Variants in ATG12 observed in about 807,000 individuals in gnomAD.
The protein encoded by ATG12 is ubiquitin-like protein ATG12.
ATG12 carries 19 observed loss-of-function variants against 17.6 expected under a neutral mutation model. That is an observed-to-expected ratio of 1.08 (90% CI 0.75 to 1.58). ATG12 has a LOEUF of 1.58. ATG12 is among the 40% of genes most tolerant of loss of function. The pLI is 0.00. For synonymous variants in ATG12, 75 were observed against 62.4 expected (o/e 1.20, Z -0.95); for missense variants, 214 against 162.0 (o/e 1.32, Z -1.74).
chr5:115,834,784 T>C (rs951660188), intron 2 of ATG12: 4 of 152,216 alleles, frequency 2.6e-5, no homozygotes, highest in African/African-American at 9.6e-5. Context: ...CATGCCCTCT[T>C]TCCCGTCCCC....
chr5:115,837,808 T>C lies in ATG12; in HGVS notation c.164-44A>G, dbSNP rs1761168168. 6.0e-6 allele frequency: 9 copies of C among 1,512,188 alleles called. No individual in the cohort carries two copies. In the Admixed American group the frequency reaches 1.8e-4, roughly 30 times the overall value. 93.7% of individuals were successfully genotyped at this position (1,512,188 alleles called of 1,614,324 possible). ...ATTTACTGACAATTACACTGAAACA[T>C]CTAAAGAGAATGGAATATAAAAGAC... On this transcript the variant is annotated intron_variant, in intron 1 of 3. Transcript: ENST00000509910.
chr5:115,832,762 A>G, intron 2 of ATG12, 98 bp from the exon 3 acceptor site: 1 of 1,186,280 alleles, frequency 8.4e-7, no homozygotes, highest in Non-Finnish European at 1.1e-6. Flanking sequence ...TATTGTTTTC[A>G]CAATTGAAGA....
In ATG12 at chr5:115,837,632, T is replaced by C; in HGVS notation, c.296A>G (p.Gln99Arg). 1 of 1,610,544 alleles carries C rather than the reference T, an allele frequency of 6.2e-7. No individual in the cohort carries two copies. Among genetic ancestry groups the C allele is most frequent in the Non-Finnish European group, 8.5e-7 (1 of 1,179,568 alleles). The change falls in exon 2 of 4, where the codon CAG (glutamine) becomes CGG (arginine). Residue 99 changes from glutamine to arginine, a missense_variant. Transcript: ENST00000509910. Reference sequence around the variant, plus strand: ...ACATCACCATTGGTTTCATACCAACTGTTCTGAGGCCACAAGTTTAAGAAA... The same window carrying C: ...ACATCACCATTGGTTTCATACCAACCGTTCTGAGGCCACAAGTTTAAGAAA... ...KKFLKLVASEQLFIYVNQSFA... is the reference protein window; with the variant it reads ...KKFLKLVASERLFIYVNQSFA...
At chr5:115,833,331 C>A (rs1760963414) in intron 2 of ATG12, 1 of 151,822 alleles carries the variant, frequency 6.6e-6, no homozygotes, top group Admixed American at 6.6e-5. Context: ...TTTAGTTTTC[C>A]TTTAATATCC....
chr5:115,841,190 C>A (rs868522080), intron 1 of ATG12, 200 bp downstream of exon 1: 4 of 665,928 alleles, frequency 6.0e-6, no homozygotes, highest in African/African-American at 3.7e-5. Context: ...AGGCCCTACA[C>A]CGATAGACAG....
rs989370630 is a variant in ATG12 at position 115,831,802 on chromosome 5, G to A, written c.*2C>T. The A allele has an allele frequency of 1.2e-6, 2 of 1,611,372 alleles. No individual in the cohort carries two copies. Among genetic ancestry groups the A allele is most frequent in the Non-Finnish European group, 8.5e-7 (1 of 1,179,082 alleles). ...TAGTAGCAAGTTGATTTTCTTTGTG[G>A]TTCATCCCCACGCCTGAGACTTGCA... On this transcript the variant is annotated 3_prime_UTR_variant, in exon 4 of 4. Coordinates refer to ENST00000509910, the MANE Select transcript of ATG12 (RefSeq NM_004707.4).
intron 3 of ATG12, 24 bp downstream of exon 3, chr5:115,832,578 T>G: frequency 1.6e-6 from 2 of 1,241,924 alleles, no homozygotes; most frequent in Middle Eastern, 3.0e-4. Context: ...TTTCTTTTTT[T>G]TTTTTTTTTT....
chr5:115,841,556 G>C lies in ATG12; in HGVS notation c.-4C>G. 1 of 1,614,088 alleles carries C rather than the reference G, an allele frequency of 6.2e-7. No individual in the cohort carries two copies. The highest frequency in any genetic ancestry group is 8.5e-7 in the Non-Finnish European group (1 of 1,180,018). ...CAGACTGCGGCTCCTCCGCCATCTTGCTTGGAGACACTCGAGAGCGGAAGT... is the reference window on the plus strand; with the variant it reads ...CAGACTGCGGCTCCTCCGCCATCTTCCTTGGAGACACTCGAGAGCGGAAGT... On this transcript the variant is annotated 5_prime_UTR_variant, in exon 1 of 4. Coordinates refer to ENST00000509910, the MANE Select transcript of ATG12 (RefSeq NM_004707.4).
intron 1 of ATG12, among the ~76,000 whole-genome samples, chr5:115,839,671 C>T (rs984557238): frequency 2.0e-5 from 3 of 152,154 alleles, no homozygotes; most frequent in Non-Finnish European, 2.9e-5. Context: ...TAGGGAAACA[C>T]TTACTCCCCA....
At chr5:115,837,792 C>T (rs766095258) in intron 1 of ATG12, 28 bp from the exon 2 acceptor site, 3 of 1,563,950 alleles carry the variant, frequency 1.9e-6, no homozygotes, top group South Asian at 2.4e-5. Flanking sequence ...AATTTACTGA[C>T]AATTACACTG....
chr5:115,838,564 T>A (rs780132770), intron 1 of ATG12: 1 of 152,230 alleles, frequency 6.6e-6, no homozygotes, highest in African/African-American at 2.4e-5. Context: ...AGTAGTGACA[T>A]TGTAGGCAAT....
intron 2 of ATG12, among the ~76,000 whole-genome samples, chr5:115,836,663 T>G (rs750256207): frequency 4.6e-5 from 7 of 152,216 alleles, no homozygotes; most frequent in Non-Finnish European, 7.3e-5. Context: ...CAAAAATTCC[T>G]GATTTTATTT....
rs1350013354 is a variant in ATG12 at position 115,830,721 on chromosome 5, T to TA, written c.*1082dup. On this transcript the variant is annotated 3_prime_UTR_variant, in exon 4 of 4. Transcript: ENST00000509910. The stretch of plus-strand genomic sequence containing the variant: ...TGTAGAGTTGGGGATCTTGCCTTGC[T>TA]AACCAGGCTGGTCTCAAACTTGTGG... The TA allele has an allele frequency of 1.3e-5, 2 of 152,164 alleles. No homozygotes were observed. The highest frequency in any genetic ancestry group is 2.9e-5 in the Non-Finnish European group (2 of 68,026). The allele number at this position is 152,164 out of a possible 1,614,324, so 9.4% of individuals were successfully genotyped here.
At chr5:115,837,553 A>C in intron 2 of ATG12, 75 bp downstream of exon 2, 1 of 1,492,258 alleles carries the variant, frequency 6.7e-7, no homozygotes, top group Non-Finnish European at 9.2e-7. Flanking sequence ...GCATTTCTAT[A>C]AACAACAGTT....
intron 2 of ATG12, among the ~76,000 whole-genome samples, chr5:115,836,444 TTC>T (rs1761103965): frequency 6.6e-6 from 1 of 152,200 alleles, no homozygotes; most frequent in African/African-American, 2.4e-5. Flanking sequence ...CTCTGCTCAT[TTC>T]TCTCAAGTGT....
At position 115,831,598 on chromosome 5, in the gene ATG12, T is replaced by C; in HGVS notation, c.*206A>G. 4 of 613,620 alleles carry C rather than the reference T, an allele frequency of 6.5e-6. No homozygotes were observed. Among genetic ancestry groups the C allele is most frequent in the Non-Finnish European group, 1.2e-5 (4 of 347,804 alleles). The allele number at this position is 613,620 out of a possible 1,614,324, so 38.0% of individuals were successfully genotyped here. A position where few individuals can be genotyped will look rare whatever the true frequency, so the allele number is the denominator to read the frequency against. On this transcript the variant is annotated 3_prime_UTR_variant, in exon 4 of 4. Coordinates refer to ENST00000509910, the MANE Select transcript of ATG12 (RefSeq NM_004707.4). ...AATGGGTGTACTATCATGACCATCT[T>C]TTATGATGACTGGTGCATTAATACA...
chr5:115,834,420 A>G (rs1306051751), intron 2 of ATG12: 3 of 152,256 alleles, frequency 2.0e-5, no homozygotes, highest in African/African-American at 2.4e-5. Flanking sequence ...TTGTTACTTT[A>G]AAGTACATGT....
rs1761171790 is a variant in ATG12 at position 115,837,888 on chromosome 5, G to A, written c.164-124C>T. On this transcript the variant is annotated intron_variant, in intron 1 of 3. Coordinates refer to ENST00000509910, the MANE Select transcript of ATG12 (RefSeq NM_004707.4). ...CATCTTACGTATTTATGATACTGAA[G>A]ATATGTGAGAGATGTAAAAATGTTA... The A allele has an allele frequency of 3.9e-6, 3 of 761,838 alleles. No individual in the cohort carries two copies. In the South Asian group the frequency reaches 9.2e-5, roughly 23 times the overall value. 47.2% of individuals were successfully genotyped at this position (761,838 alleles called of 1,614,324 possible).
intron 2 of ATG12, among the ~76,000 whole-genome samples, chr5:115,836,513 G>A (rs1761107430): frequency 1.3e-5 from 2 of 152,056 alleles, no homozygotes; most frequent in Admixed American, 1.3e-4. Flanking sequence ...AGCACTTGCA[G>A]CCAAACTCTT....
Sources: gnomAD v4.1 joint callset for allele counts (sites outside exome capture counted in the v4.1 genomes callset) on GRCh38, gnomAD v4.1.1 for gene constraint, MANE v1.5 for transcripts, NCBI Gene and HGNC (gene_info 2026-07-23, HGNC 2026-07-21) for gene names.